TM9SF4: variants seen among roughly 807,000 people sequenced by gnomAD.
The protein encoded by TM9SF4 is dinucleotide oxidase disulfide thiol exchanger 3 superfamily member 4.
In TM9SF4, 26 loss-of-function variants were observed where a neutral mutation model predicts 90.4. The observed-to-expected ratio is 0.29, with a 90% confidence interval of 0.21 to 0.40. The LOEUF (loss-of-function observed/expected upper bound fraction) is 0.40. Among genes scored for constraint, TM9SF4 ranks in the 10% least tolerant of loss-of-function variants. The pLI, the probability that TM9SF4 is intolerant of heterozygous loss-of-function variation, is 1.00. For synonymous variants in TM9SF4, 293 were observed against 315.4 expected (o/e 0.93, Z 0.75); for missense variants, 549 against 834.8 (o/e 0.66, Z 4.22).
At chr20:32,164,664 A>C (rs1476453598) in intron 17 of TM9SF4, among the ~76,000 whole-genome samples, 1 of 152,146 alleles carries the variant, frequency 6.6e-6, no homozygotes, top group East Asian at 1.9e-4. Flanking sequence ...TTCTGTGACC[A>C]TGTGTCTGCC....
chr20:32,116,494 T>C (rs1039279485), intron 1 of TM9SF4: 2 of 152,332 alleles, frequency 1.3e-5, no homozygotes, highest in Non-Finnish European at 2.9e-5. Context: ...GTTATTAGTT[T>C]CACCTGGACT....
chr20:32,153,628 C>T (rs1411049775), intron 12 of TM9SF4, among the ~76,000 whole-genome samples: 1 of 152,156 alleles, frequency 6.6e-6, no homozygotes, highest in African/African-American at 2.4e-5. Context: ...GCCTGTAGTC[C>T]TCCTAATCAG....
At chr20:32,141,376 A>G in intron 3 of TM9SF4, 121 bp from the exon 4 acceptor site, 1 of 1,186,926 alleles carries the variant, frequency 8.4e-7, no homozygotes, top group East Asian at 2.4e-5. Flanking sequence ...TGCCAGGCTG[A>G]GGCACTGCTG....
intron 1 of TM9SF4, chr20:32,116,642 T>G (rs1294087541): frequency 6.6e-6 from 1 of 151,666 alleles, no homozygotes; most frequent in Middle Eastern, 3.2e-3. Context: ...CTGTGGCTAA[T>G]TTGTTTTTTG....
In TM9SF4 at chr20:32,158,316, A is replaced by G. The variant is rs2046961053; in HGVS notation, c.1506-135A>G. 3 of 890,488 alleles carry G rather than the reference A, an allele frequency of 3.4e-6. No individual in the cohort carries two copies. The East Asian group carries it at 7.3e-5, about 22-fold the overall frequency. 55.2% of individuals were successfully genotyped at this position (890,488 alleles called of 1,614,324 possible). ...TGCCTACCTCTCAAGAGATTATAAT[A>G]GTACAGAAATATGCCAGAAGAATTA... On this transcript the variant is annotated intron_variant, in intron 14 of 17. Transcript: ENST00000398022.
Position 32,166,438 on chromosome 20 carries a change from G to T in TM9SF4, c.*994G>T. On this transcript the variant is annotated 3_prime_UTR_variant, in exon 18 of 18. Coordinates refer to ENST00000398022, the MANE Select transcript of TM9SF4 (RefSeq NM_014742.4). ...TTCAGGCAGAACAGGGAGGCCCAGA[G>T]ATTACAGATCCCCTCCTGTAAGTGG... The T allele has an allele frequency of 6.6e-6, 1 of 152,636 alleles. No individual in the cohort carries two copies. The highest frequency in any genetic ancestry group is 1.5e-5 in the Non-Finnish European group (1 of 68,210). The allele number at this position is 152,636 out of a possible 1,614,324, so 9.5% of individuals were successfully genotyped here.
intron 1 of TM9SF4, among the ~76,000 whole-genome samples, chr20:32,113,147 C>T (rs2046171386): frequency 6.6e-6 from 1 of 152,088 alleles, no homozygotes; most frequent in South Asian, 2.1e-4. Flanking sequence ...ATCCAGTGGC[C>T]GTGGGAATAG....
At chr20:32,136,003 A>G in intron 2 of TM9SF4, 71 bp from the exon 3 acceptor site, 1 of 1,345,002 alleles carries the variant, frequency 7.4e-7, no homozygotes, top group Non-Finnish European at 1.1e-6. Context: ...TAATATTACC[A>G]AGTGTACTAA....
chr20:32,136,844 G>A (rs1267842917), intron 3 of TM9SF4: 1 of 471,076 alleles, frequency 2.1e-6, no homozygotes, highest in Non-Finnish European at 4.4e-6. Context: ...TGACCTCAGG[G>A]AACTTAAGAG....
rs192655942 is a variant in TM9SF4, at chr20:32,148,907, T to G, written c.955-727T>G. Among the ~76,000 whole-genome samples, 19 of 152,232 alleles carry G rather than the reference T, an allele frequency of 1.2e-4. No individual in the cohort carries two copies. In the East Asian group the frequency reaches 3.5e-3, roughly 28 times the overall value. On this transcript the variant is annotated intron_variant, in intron 9 of 17. Coordinates refer to ENST00000398022, the MANE Select transcript of TM9SF4 (RefSeq NM_014742.4). ...GGATGGTCTCGATCTCCTGACCTCA[T>G]GATCCGCCCGCCTCGGCCTCCCAAA...
intron 12 of TM9SF4, among the ~76,000 whole-genome samples, chr20:32,151,997 G>A (rs954392778): frequency 1.3e-5 from 2 of 151,852 alleles, no homozygotes; most frequent in African/African-American, 4.8e-5. Context: ...GAGTAGCTGG[G>A]ACTACAGGTG....
At chr20:32,158,963 CAG>C (rs903601168) in intron 15 of TM9SF4, among the ~76,000 whole-genome samples, 2 of 145,200 alleles carry the variant, frequency 1.4e-5, no homozygotes, top group African/African-American at 2.6e-5. Flanking sequence ...GCCTGGGTGA[CAG>C]AGAGAGACTC....
rs72250081 is a variant in TM9SF4, at chr20:32,126,734, C to CT, written c.16-6264dup. 1.9e-3 allele frequency among the ~76,000 whole-genome samples: 243 copies of CT among 128,310 alleles called. 2 individuals carry two copies. Among genetic ancestry groups the CT allele is most frequent in the Non-Finnish European group, 1.2e-3 (72 of 60,044 alleles). 84.2% of individuals were successfully genotyped at this position (128,310 alleles called of 152,430 possible). A position where few individuals can be genotyped will look rare whatever the true frequency, so the allele number is the denominator to read the frequency against. On this transcript the variant is annotated intron_variant, in intron 1 of 17. Transcript: ENST00000398022. Reference sequence around the variant, plus strand: ...CAATAAGTAGTTGGTGAACTAATTTCTTTTTTTTTTTTTTTCCTGAGACGA... The same window carrying CT: ...CAATAAGTAGTTGGTGAACTAATTTCTTTTTTTTTTTTTTTTCCTGAGACGA...
intron 17 of TM9SF4, among the ~76,000 whole-genome samples, chr20:32,162,835 G>A (rs1482694305): frequency 6.6e-6 from 1 of 151,790 alleles, no homozygotes; most frequent in Non-Finnish European, 1.5e-5. Context: ...AGTGGCAAGT[G>A]ACTAAAACTC....
intron 12 of TM9SF4, among the ~76,000 whole-genome samples, chr20:32,154,342 T>C (rs1045224669): frequency 7.9e-5 from 12 of 151,894 alleles, no homozygotes; most frequent in African/African-American, 2.7e-4. Flanking sequence ...GGTTTCACCA[T>C]GTTGCCCAGG....
chr20:32,155,467 T>C (rs1178690766), intron 13 of TM9SF4, among the ~76,000 whole-genome samples: 1 of 152,230 alleles, frequency 6.6e-6, no homozygotes, highest in East Asian at 1.9e-4. Context: ...AACTGGGGAA[T>C]TTCCCTTTGT....
intron 3 of TM9SF4, among the ~76,000 whole-genome samples, chr20:32,139,131 G>A (rs2046634849): frequency 6.6e-6 from 1 of 152,170 alleles, no homozygotes; most frequent in Non-Finnish European, 1.5e-5. Flanking sequence ...CACACTGAAA[G>A]CATTGCTTGC....
chr20:32,152,027 A>AT (rs1386977061), intron 12 of TM9SF4, among the ~76,000 whole-genome samples: 34 of 149,614 alleles, frequency 2.3e-4, no homozygotes, highest in African/African-American at 6.7e-4. Flanking sequence ...ACACCTGGCT[A>AT]ATTTTTTTTT....
At position 32,136,257 on chromosome 20, in the gene TM9SF4, T is replaced by G; in HGVS notation, c.229+84T>G. 2.3e-6 allele frequency: 3 copies of G among 1,324,838 alleles called. No homozygotes were observed. In the Admixed American group the frequency reaches 5.5e-5, roughly 24 times the overall value. The allele number at this position is 1,324,838 out of a possible 1,614,324, so 82.1% of individuals were successfully genotyped here. A position where few individuals can be genotyped will look rare whatever the true frequency, so the allele number is the denominator to read the frequency against. ...TTATAATGATAACAACAGTTAACTT[T>G]GCTATATTCTAGACACTGGTCTACA... On this transcript the variant is annotated intron_variant, in intron 3 of 17. Coordinates refer to ENST00000398022, the MANE Select transcript of TM9SF4 (RefSeq NM_014742.4).
Sources: gnomAD v4.1 joint callset for allele counts (sites outside exome capture counted in the v4.1 genomes callset) on GRCh38, gnomAD v4.1.1 for gene constraint, MANE v1.5 for transcripts, NCBI Gene and HGNC (gene_info 2026-07-23, HGNC 2026-07-21) for gene names.